Variants in STK32B observed in about 807,000 individuals in gnomAD.
STK32B encodes the protein serine/threonine-protein kinase 32B.
STK32B carries 43 observed loss-of-function variants against 52.6 expected under a neutral mutation model. The ratio of observed to expected loss-of-function variants is 0.82; its 90% confidence interval spans 0.64 to 1.05. The LOEUF (loss-of-function observed/expected upper bound fraction) is 1.05. Ranked by LOEUF, STK32B falls within the 50% of genes least tolerant of loss-of-function variation. The pLI is 0.00. For missense variants in STK32B, 621 were observed against 534.6 expected (o/e 1.16, Z -1.59); for synonymous variants, 238 against 204.3 (o/e 1.17, Z -1.41).
At chr4:5,495,100 T>G (rs1295168973) in intron 11 of STK32B, among the ~76,000 whole-genome samples, 2 of 152,194 alleles carry the variant, frequency 1.3e-5, no homozygotes, top group African/African-American at 4.8e-5. Context: ...TTCTCTGTAT[T>G]TCGTGAATCT....
chr4:5,398,297 C>A lies in STK32B; in HGVS notation c.472+53C>A. 1.2e-6 allele frequency: 2 copies of A among 1,605,872 alleles called. No individual in the cohort carries two copies. Among genetic ancestry groups the A allele is most frequent in the Non-Finnish European group, 1.7e-6 (2 of 1,173,796 alleles). Reference sequence around the variant, plus strand: ...GACTCTCAGTGGAAAGTTTGAGGCACTGGGAAATAGTGCGGGGGTGGGGGT... The same window carrying A: ...GACTCTCAGTGGAAAGTTTGAGGCAATGGGAAATAGTGCGGGGGTGGGGGT... On this transcript the variant is annotated intron_variant, in intron 5 of 11. Coordinates refer to ENST00000282908, the MANE Select transcript of STK32B (RefSeq NM_018401.3). This position sits in a 1 kb window ranked among gnomAD's most constrained non-coding sequence, Gnocchi z 4.9.
At chr4:5,258,872 C>T (rs1022584107) in intron 3 of STK32B, among the ~76,000 whole-genome samples, 6 of 152,218 alleles carry the variant, frequency 3.9e-5, no homozygotes, top group African/African-American at 1.2e-4. Flanking sequence ...CCATCTCACT[C>T]GGAGGTAAAG....
chr4:5,325,103 C>T (rs1577350351), intron 3 of STK32B, among the ~76,000 whole-genome samples: 1 of 152,166 alleles, frequency 6.6e-6, no homozygotes, highest in African/African-American at 2.4e-5. Flanking sequence ...CATTGCTTTA[C>T]CCCATGTGGC....
In STK32B at chr4:5,167,555, A is replaced by C. The variant is rs1002298950; in HGVS notation, c.109-744A>C. Among the ~76,000 whole-genome samples the C allele has an allele frequency of 5.3e-5, 8 of 152,312 alleles. No individual in the cohort carries two copies. In the South Asian group the frequency reaches 1.2e-3, roughly 24 times the overall value. ...AGGGCATGGGAGAGGCAGAAAGAAC[A>C]CAGAGAAGGGTAGGAAGGAAGACAG... On this transcript the variant is annotated intron_variant, in intron 2 of 11. Transcript: ENST00000282908.
chr4:5,159,597 GAA>G lies in STK32B; in HGVS notation c.109-8701_109-8700del, dbSNP rs1718201478. ...TATGAATATATATATGAATATATAT[GAA>G]TATATATATGAATATATATGAATAT... On this transcript the variant is annotated intron_variant, in intron 2 of 11. Transcript: ENST00000282908. Among the ~76,000 whole-genome samples, 2 of 97,790 alleles carry G rather than the reference GAA, an allele frequency of 2.0e-5. 1 individual carries two copies. The highest frequency in any genetic ancestry group is 1.1e-4 in the African/African-American group (2 of 18,526). 64.2% of individuals were successfully genotyped at this position (97,790 alleles called of 152,430 possible).
chr4:5,035,627 G>A, the STK32B span, among the ~76,000 whole-genome samples: 8 of 152,270 alleles, frequency 5.3e-5, no homozygotes, highest in Non-Finnish European at 8.8e-5. Context: ...ATGAGGAGAC[G>A]GTGGAGACTG....
the STK32B span, among the ~76,000 whole-genome samples, chr4:5,022,753 G>T: frequency 3.9e-5 from 6 of 152,204 alleles, no homozygotes; most frequent in Admixed American, 2.6e-4. Flanking sequence ...TTTGCCAGAT[G>T]CATGTCTATC....
At chr4:5,134,864 G>A (rs1003883670) in intron 1 of STK32B, among the ~76,000 whole-genome samples, 3 of 152,240 alleles carry the variant, frequency 2.0e-5, no homozygotes, top group African/African-American at 7.2e-5. Flanking sequence ...CTTTCCATTA[G>A]AGATTGTTTG....
intron 3 of STK32B, among the ~76,000 whole-genome samples, chr4:5,198,727 G>GGC (rs1721892878): frequency 6.6e-6 from 1 of 152,208 alleles, no homozygotes. Flanking sequence ...GGCGGCACCT[G>GGC]GCAGACGGCT....
intron 1 of STK32B, among the ~76,000 whole-genome samples, chr4:5,056,427 AATAG>A (rs1577617375): frequency 6.6e-6 from 1 of 152,354 alleles, no homozygotes; most frequent in South Asian, 2.1e-4. Context: ...CCTGTAACAT[AATAG>A]ATGCCTGGTA....
At chr4:5,167,199 C>T (rs1718945695) in intron 2 of STK32B, among the ~76,000 whole-genome samples, 1 of 152,180 alleles carries the variant, frequency 6.6e-6, no homozygotes, top group African/African-American at 2.4e-5. Context: ...CACCTTGCCC[C>T]CAACTGCCCC....
At chr4:5,126,637 T>C (rs530326036) in intron 1 of STK32B, among the ~76,000 whole-genome samples, 5 of 152,198 alleles carry the variant, frequency 3.3e-5, no homozygotes, top group Non-Finnish European at 7.3e-5. Context: ...TCTGGTAGAG[T>C]AGAATCAGAG....
chr4:5,079,129 C>T (rs1382404650), intron 1 of STK32B, among the ~76,000 whole-genome samples: 1 of 151,942 alleles, frequency 6.6e-6, no homozygotes, highest in East Asian at 1.9e-4. Context: ...TTTGTATTGC[C>T]AGAATATGTT....
At chr4:5,262,461 TA>T (rs35348662) in intron 3 of STK32B, among the ~76,000 whole-genome samples, 355 of 140,358 alleles carry the variant, frequency 2.5e-3, no homozygotes, top group Middle Eastern at 3.6e-3. Context: ...CCGTCTCTAC[TA>T]AAAAAAAAAA....
At chr4:5,219,807 A>C (rs560256970) in intron 3 of STK32B, among the ~76,000 whole-genome samples, 1 of 152,200 alleles carries the variant, frequency 6.6e-6, no homozygotes, top group Non-Finnish European at 1.5e-5. Flanking sequence ...ATTTGTCAGC[A>C]TACGTTGGCC....
At chr4:5,083,577 C>T (rs1229001191) in intron 1 of STK32B, among the ~76,000 whole-genome samples, 1 of 152,162 alleles carries the variant, frequency 6.6e-6, no homozygotes, top group East Asian at 1.9e-4. Flanking sequence ...TGGACATGGA[C>T]ATTACTGCTA....
At chr4:5,105,845 G>A (rs1339370452) in intron 1 of STK32B, among the ~76,000 whole-genome samples, 2 of 151,888 alleles carry the variant, frequency 1.3e-5, no homozygotes, top group Non-Finnish European at 2.9e-5. Flanking sequence ...TTACAGGTGT[G>A]AGCCACCACG....
At chr4:5,397,243 A>G (rs938206495) in intron 4 of STK32B, among the ~76,000 whole-genome samples, 17 of 152,226 alleles carry the variant, frequency 1.1e-4, no homozygotes, top group African/African-American at 3.1e-4. Context: ...TGTAAAATCT[A>G]TGGTTTTAAT....
At chr4:5,402,780 G>A (rs73093884) in intron 5 of STK32B, among the ~76,000 whole-genome samples, 2,181 of 152,302 alleles carry the variant, frequency 0.014, 43 homozygotes, top group African/African-American at 0.044. Flanking sequence ...ATGATGACCC[G>A]TTGGGGTCAA....
Sources: allele counts gnomAD v4.1 joint callset (sites outside exome capture counted in the v4.1 genomes callset), GRCh38; gene constraint gnomAD v4.1.1; non-coding constraint Gnocchi (gnomAD v3.1); transcripts MANE v1.5; gene names NCBI Gene and HGNC (gene_info 2026-07-23, HGNC 2026-07-21).